The following TASP1 variants were observed in gnomAD, a reference collection of about 807,000 sequenced individuals.
The protein encoded by TASP1 is taspase 1.
In TASP1, 16 loss-of-function variants were observed where a neutral mutation model predicts 56.6. The observed-to-expected ratio is 0.28, with a 90% CI of 0.19 to 0.43. TASP1 has a LOEUF of 0.43. Ranked by LOEUF, TASP1 falls within the 20% of genes least tolerant of loss-of-function variation. TASP1 has a pLI of 1.00. For synonymous variants in TASP1, 179 were observed against 184.2 expected (o/e 0.97, Z 0.23); for missense variants, 393 against 511.6 (o/e 0.77, Z 2.24).
At chr20:13,568,792 C>A (rs2046619610) in intron 7 of TASP1, among the ~76,000 whole-genome samples, 1 of 152,146 alleles carries the variant, frequency 6.6e-6, no homozygotes, top group Non-Finnish European at 1.5e-5. Context: ...TAGTTGTCCT[C>A]TAAAATCTCT....
chr20:13,361,338 A>T, the TASP1 span, among the ~76,000 whole-genome samples: 28 of 152,284 alleles, frequency 1.8e-4, no homozygotes, highest in South Asian at 4.1e-4. Context: ...CTCCCACCTC[A>T]ATACAGTCTG....
At chr20:13,579,324 C>T (rs1320905508) in intron 6 of TASP1, among the ~76,000 whole-genome samples, 1 of 151,642 alleles carries the variant, frequency 6.6e-6, no homozygotes, top group Non-Finnish European at 1.5e-5. Context: ...ACCAGTTAAA[C>T]AAAATAGCAT....
the TASP1 span, among the ~76,000 whole-genome samples, chr20:13,371,074 C>A: frequency 6.6e-6 from 1 of 152,184 alleles, no homozygotes; most frequent in East Asian, 1.9e-4. Context: ...CTTGGCCGTT[C>A]TAGCTAACAG....
the TASP1 span, among the ~76,000 whole-genome samples, chr20:13,326,112 G>A: frequency 6.6e-6 from 1 of 152,158 alleles, no homozygotes; most frequent in Non-Finnish European, 1.5e-5. Flanking sequence ...TAAGGCCTTT[G>A]AGATTCATCC....
At chr20:13,392,908 G>C (rs569845861) in intron 13 of TASP1, 7 of 642,682 alleles carry the variant, frequency 1.1e-5, no homozygotes, top group African/African-American at 1.8e-5. Flanking sequence ...CATCTTTCAG[G>C]AGTGAGATCC....
chr20:13,160,363 G>A, the TASP1 span, among the ~76,000 whole-genome samples: 1 of 152,150 alleles, frequency 6.6e-6, no homozygotes, highest in Admixed American at 6.5e-5. Flanking sequence ...TCAGTGTTTT[G>A]GTTTCCTACA....
At chr20:13,439,922 A>C (rs2043156756) in intron 11 of TASP1, among the ~76,000 whole-genome samples, 1 of 152,160 alleles carries the variant, frequency 6.6e-6, no homozygotes, top group Non-Finnish European at 1.5e-5. Flanking sequence ...TGAGTGTTCA[A>C]ACTGAAAAGG....
At chr20:13,512,479 T>C (rs867903967) in intron 10 of TASP1, among the ~76,000 whole-genome samples, 1 of 152,176 alleles carries the variant, frequency 6.6e-6, no homozygotes, top group African/African-American at 2.4e-5. Flanking sequence ...TTTGTTGGAG[T>C]TCTTTGTAGG....
chr20:13,232,275 T>TAAA, the TASP1 span, among the ~76,000 whole-genome samples: 1 of 152,232 alleles, frequency 6.6e-6, no homozygotes, highest in Non-Finnish European at 1.5e-5. Context: ...TGAATAAATC[T>TAAA]ACCATCTGAA....
the TASP1 span, among the ~76,000 whole-genome samples, chr20:13,309,661 C>G: frequency 2.0e-5 from 3 of 152,244 alleles, no homozygotes; most frequent in African/African-American, 7.2e-5. Flanking sequence ...GAATTTATCT[C>G]TGTTTGCAGA....
the TASP1 span, among the ~76,000 whole-genome samples, chr20:13,246,651 T>C: frequency 1.3e-5 from 2 of 152,250 alleles, no homozygotes; most frequent in African/African-American, 2.4e-5. Context: ...AAAGTTTACC[T>C]ACTTGCCTGA....
intron 13 of TASP1, among the ~76,000 whole-genome samples, chr20:13,407,477 T>C (rs1412585862): frequency 6.6e-6 from 1 of 152,236 alleles, no homozygotes; most frequent in Non-Finnish European, 1.5e-5. Context: ...CATTCATCAG[T>C]TGATGGGCAT....
intron 10 of TASP1, among the ~76,000 whole-genome samples, chr20:13,499,863 T>G (rs1323569929): frequency 6.6e-6 from 1 of 152,092 alleles, no homozygotes; most frequent in Admixed American, 6.6e-5. Context: ...TTATCCTAAA[T>G]GAAATAACTC....
chr20:13,336,073 A>C, the TASP1 span, among the ~76,000 whole-genome samples: 1 of 152,214 alleles, frequency 6.6e-6, no homozygotes, highest in Non-Finnish European at 1.5e-5. Flanking sequence ...AAACGCTTCC[A>C]GGAAGGAAAA....
chr20:13,544,656 T>C (rs1272750213), intron 8 of TASP1, among the ~76,000 whole-genome samples: 1 of 152,136 alleles, frequency 6.6e-6, no homozygotes, highest in African/African-American at 2.4e-5. Flanking sequence ...AGCAAAGAAA[T>C]CTCCTTTATA....
the TASP1 span, among the ~76,000 whole-genome samples, chr20:13,116,917 GC>G: frequency 0.29 from 43,539 of 151,906 alleles, 6,481 homozygotes; most frequent in Admixed American, 0.34. Context: ...CTGTTCCTCT[GC>G]CCTAAAGGAA....
chr20:13,283,568 G>A, the TASP1 span, among the ~76,000 whole-genome samples: 14 of 152,340 alleles, frequency 9.2e-5, no homozygotes, highest in South Asian at 2.5e-3. Flanking sequence ...CACTTGTGAT[G>A]ATGAAAACAC....
At chr20:13,296,013 C>T in the TASP1 span, among the ~76,000 whole-genome samples, 2 of 152,220 alleles carry the variant, frequency 1.3e-5, no homozygotes, top group Non-Finnish European at 2.9e-5. Context: ...CTGACTTCCC[C>T]TGCTAGAAAT....
At position 13,450,054 on chromosome 20, in the gene TASP1, G is replaced by A. The variant is rs182363899; in HGVS notation, c.986-14900C>T. Among the ~76,000 whole-genome samples the A allele has an allele frequency of 4.6e-4, 70 of 152,234 alleles. 1 individual carries two copies. The highest frequency in any genetic ancestry group is 2.2e-3 in the Admixed American group (33 of 15,266). On this transcript the variant is annotated intron_variant, in intron 11 of 13. Transcript: ENST00000337743. ...TAAATGGCAAATCACAATAAAGTGA[G>A]TCATGCAAGTTTTTTGGTTTCCCAG...
Sources: allele counts gnomAD v4.1 joint callset (sites outside exome capture counted in the v4.1 genomes callset), GRCh38; gene constraint gnomAD v4.1.1; transcripts MANE v1.5; gene names NCBI Gene and HGNC (gene_info 2026-07-23, HGNC 2026-07-21).